ZFX: variants seen among roughly 807,000 people sequenced by gnomAD.
The protein encoded by ZFX is zinc finger protein X-linked.
For synonymous variants in ZFX, 196 were observed against 226.8 expected (o/e 0.86, Z 1.22); for missense variants, 362 against 628.3 (o/e 0.58, Z 4.53).
intron 5 of ZFX, among the ~76,000 whole-genome samples, chrX:24,192,724 C>T (rs141499855): frequency 0.015 from 1,681 of 109,450 alleles, 16 homozygotes; most frequent in Middle Eastern, 0.028. Context: ...TTGACAACAT[C>T]GGGAGACCCC....
chrX:24,150,855 A>G (rs1932017218), intron 1 of ZFX: 1 of 112,854 alleles, frequency 8.9e-6, no homozygotes, highest in Non-Finnish European at 1.9e-5. Flanking sequence ...CTTTTGTCCT[A>G]TAGGGAAAAA....
intron 5 of ZFX, among the ~76,000 whole-genome samples, chrX:24,195,957 A>G (rs1936893016): frequency 8.9e-6 from 1 of 112,287 alleles, no homozygotes; most frequent in East Asian, 2.8e-4. Context: ...TAAGTAATAC[A>G]TTAACATCTT....
At position 24,176,508 on chromosome X, in the gene ZFX, A is replaced by G. The variant is rs148264741; in HGVS notation, c.59-2675A>G. ...AGTGCAGTGATACAATCTCGGCTCA[A>G]TGCAACCTCCGTCTCCTGGGTTCAA... On this transcript the variant is annotated intron_variant, in intron 4 of 9. Coordinates refer to ENST00000304543, the MANE Select transcript of ZFX (RefSeq NM_003410.4). 9.0e-3 allele frequency among the ~76,000 whole-genome samples: 868 copies of G among 96,150 alleles called. 10 individuals carry two copies. Among genetic ancestry groups the G allele is most frequent in the African/African-American group, 0.032 (811 of 25,375 alleles). The allele number at this position is 96,150 out of a possible 115,157, so 83.5% of individuals were successfully genotyped here.
chrX:24,207,525 CT>C (rs762815368), intron 6 of ZFX, 50 bp downstream of exon 6: 2 of 1,173,905 alleles, frequency 1.7e-6, no homozygotes, highest in South Asian at 2.0e-5. Context: ...ATGTTTCAGC[CT>C]GATTACTTTT....
intron 5 of ZFX, among the ~76,000 whole-genome samples, chrX:24,188,796 GGTA>G (rs749487841): frequency 1.8e-5 from 2 of 111,799 alleles, no homozygotes; most frequent in Non-Finnish European, 3.8e-5. Context: ...AGGTTATTGT[GGTA>G]GTCTAGGTAA....
intron 5 of ZFX, among the ~76,000 whole-genome samples, chrX:24,194,370 A>G (rs1274799629): frequency 9.0e-6 from 1 of 111,063 alleles, no homozygotes; most frequent in Non-Finnish European, 1.9e-5. Context: ...TGTTGGGGCC[A>G]CTGTCCCTGT....
Position 24,211,596 on chromosome X carries a change from A to G in ZFX, c.*220A>G. The G allele has an allele frequency of 2.5e-6, 1 of 403,174 alleles. No homozygotes were observed. Among genetic ancestry groups the G allele is most frequent in the Non-Finnish European group, 4.2e-6 (1 of 239,382 alleles). 33.2% of individuals were successfully genotyped at this position (403,174 alleles called of 1,213,427 possible). A position where few individuals can be genotyped will look rare whatever the true frequency, so the allele number is the denominator to read the frequency against. ...TTAATAAATAGGGAAAACTGGCAAC[A>G]TGCTAGTTACTTTTAATAAAGTAAT... On this transcript the variant is annotated 3_prime_UTR_variant, in exon 10 of 10. Transcript: ENST00000304543.
chrX:24,213,908 TA>T lies in ZFX; in HGVS notation c.*2533del, dbSNP rs1186543216. On this transcript the variant is annotated 3_prime_UTR_variant, in exon 10 of 10. Coordinates refer to ENST00000304543, the MANE Select transcript of ZFX (RefSeq NM_003410.4). ...TATAAATGATTGGGTCATTTAACTA[TA>T]TTTTTTTAAATAAACTGAAAGATAA... The T allele has an allele frequency of 5.4e-5, 6 of 111,103 alleles. No individual in the cohort carries two copies. The highest frequency in any genetic ancestry group is 2.0e-4 in the African/African-American group (6 of 30,511). The allele number at this position is 111,103 out of a possible 1,213,427, so 9.2% of individuals were successfully genotyped here. A position where few individuals can be genotyped will look rare whatever the true frequency, so the allele number is the denominator to read the frequency against.
At chrX:24,159,000 GT>G (rs1156594694) in intron 3 of ZFX, among the ~76,000 whole-genome samples, 1 of 106,526 alleles carries the variant, frequency 9.4e-6, no homozygotes, top group African/African-American at 3.4e-5. Context: ...TTTATTTTTA[GT>G]TTTTTTTATT....
intron 5 of ZFX, among the ~76,000 whole-genome samples, chrX:24,197,771 A>G (rs1937017134): frequency 8.9e-6 from 1 of 112,343 alleles, no homozygotes; most frequent in Admixed American, 9.4e-5. Flanking sequence ...ACATCCACAC[A>G]CAAATGCTCA....
At chrX:24,199,917 CAAA>C (rs750693884) in intron 5 of ZFX, among the ~76,000 whole-genome samples, 1 of 70,511 alleles carries the variant, frequency 1.4e-5, no homozygotes, top group African/African-American at 5.4e-5. Flanking sequence ...AACTCCGTCT[CAAA>C]AAAAAAAAAA....
intron 5 of ZFX, among the ~76,000 whole-genome samples, chrX:24,198,626 C>T (rs191027310): frequency 9.0e-6 from 1 of 110,924 alleles, no homozygotes; most frequent in East Asian, 2.8e-4. Flanking sequence ...ACTTGGAATA[C>T]ATTAGTGAAC....
intron 4 of ZFX, chrX:24,177,879 T>C (rs1013395886): frequency 8.1e-6 from 6 of 743,451 alleles, no homozygotes; most frequent in African/African-American, 7.1e-5. Context: ...AAAACACATA[T>C]AATGAAGGAA....
At chrX:24,169,123 C>T (rs1399327405) in intron 3 of ZFX, among the ~76,000 whole-genome samples, 1 of 111,406 alleles carries the variant, frequency 9.0e-6, no homozygotes, top group African/African-American at 3.3e-5. Context: ...GTATAGTCAT[C>T]TCTGTTTAGA....
rs761987753 is a variant in ZFX, at chrX:24,209,765, G to A, written c.1235-428G>A. Among the ~76,000 whole-genome samples the A allele has an allele frequency of 1.5e-4, 17 of 110,235 alleles. No homozygotes were observed. In the South Asian group the frequency reaches 3.6e-3, roughly 23 times the overall value. ...TAATTTTCATATTTTTAGTAGAGGC[G>A]GGTTTTCAGCATGTTATGTTGGTCA... On this transcript the variant is annotated intron_variant, in intron 9 of 9. Transcript: ENST00000304543.
chrX:24,180,817 A>G (rs183433489), intron 5 of ZFX, among the ~76,000 whole-genome samples: 107 of 112,609 alleles, frequency 9.5e-4, no homozygotes, highest in African/African-American at 3.0e-3. Context: ...AAAACATGGT[A>G]TCAAGTATGA....
In ZFX at chrX:24,163,135, C is replaced by T. The variant is rs145211741; in HGVS notation, c.-28-9580C>T. Among the ~76,000 whole-genome samples, 1,010 of 105,486 alleles carry T rather than the reference C, an allele frequency of 9.6e-3. 16 individuals are homozygous for T. Among genetic ancestry groups the T allele is most frequent in the African/African-American group, 0.032 (930 of 29,212 alleles). 91.6% of individuals were successfully genotyped at this position (105,486 alleles called of 115,157 possible). A position where few individuals can be genotyped will look rare whatever the true frequency, so the allele number is the denominator to read the frequency against. On this transcript the variant is annotated intron_variant, in intron 3 of 9. Coordinates refer to ENST00000304543, the MANE Select transcript of ZFX (RefSeq NM_003410.4). ...TTCAGCATCTGTTGAGAATATCAGG[C>T]GTTTTTTTTTTTGACCTATTAATTT... is the stretch of plus-strand genomic sequence containing the variant.
At chrX:24,173,509 A>G (rs1408767784) in intron 4 of ZFX, 1 of 1,042,601 alleles carries the variant, frequency 9.6e-7, no homozygotes. Context: ...TAGGAAAAAA[A>G]ACAGTATTAG....
intron 5 of ZFX, among the ~76,000 whole-genome samples, chrX:24,199,932 AG>A (rs1937181758): frequency 9.1e-6 from 1 of 109,546 alleles, no homozygotes; most frequent in Non-Finnish European, 1.9e-5. Flanking sequence ...AAAAAAAAAA[AG>A]TTTTTGCTCG....
Sources: allele counts gnomAD v4.1 joint callset (sites outside exome capture counted in the v4.1 genomes callset), GRCh38; gene constraint gnomAD v4.1.1; transcripts MANE v1.5; gene names NCBI Gene and HGNC (gene_info 2026-07-23, HGNC 2026-07-21).